Variants in GPR158 observed in about 807,000 individuals in gnomAD.
The protein encoded by GPR158 is metabotropic glycine receptor.
A neutral mutation model predicts 78.2 loss-of-function variants in GPR158; 30 were observed. That is an observed-to-expected ratio of 0.38 (90% CI 0.29 to 0.52). The LOEUF is 0.52. Among genes scored for constraint, GPR158 ranks in the 20% least tolerant of loss-of-function variants. The pLI is 0.83. For missense variants in GPR158, 1,463 were observed against 1,523.5 expected, an observed-to-expected ratio of 0.96 and a Z score of 0.66; for synonymous variants, 581 against 591.1, an observed-to-expected ratio of 0.98 and a Z score of 0.25.
At chr10:25,514,588 A>G (rs963686309) in intron 5 of GPR158, among the ~76,000 whole-genome samples, 1 of 151,772 alleles carries the variant, frequency 6.6e-6, no homozygotes, top group Admixed American at 6.6e-5. Context: ...CTTCTTTTTC[A>G]TTGTGTTATT....
chr10:25,310,171 G>C (rs191211371), intron 2 of GPR158, among the ~76,000 whole-genome samples: 12 of 152,278 alleles, frequency 7.9e-5, no homozygotes, highest in Non-Finnish European at 1.3e-4. Context: ...TTTCCCTGTT[G>C]AGTAGCATTG....
intron 1 of GPR158, among the ~76,000 whole-genome samples, chr10:25,212,144 A>G (rs377611026): frequency 6.6e-6 from 1 of 152,252 alleles, no homozygotes; most frequent in African/African-American, 2.4e-5. Context: ...GTGTCAGTCT[A>G]TTTTGCACTG....
At chr10:25,546,502 G>T (rs1000506757) in intron 5 of GPR158, among the ~76,000 whole-genome samples, 1 of 152,130 alleles carries the variant, frequency 6.6e-6, no homozygotes, top group African/African-American at 2.4e-5. Context: ...ATAACAGGTT[G>T]CCCAGTTTTC....
At chr10:25,359,218 T>C (rs915247834) in intron 2 of GPR158, among the ~76,000 whole-genome samples, 3 of 152,054 alleles carry the variant, frequency 2.0e-5, no homozygotes, top group Non-Finnish European at 4.4e-5. Flanking sequence ...TACACACACA[T>C]ATATATTTAT....
At chr10:25,471,733 T>C (rs971229404) in intron 5 of GPR158, among the ~76,000 whole-genome samples, 8 of 152,246 alleles carry the variant, frequency 5.3e-5, no homozygotes, top group Non-Finnish European at 7.3e-5. Flanking sequence ...CATTTTTTCA[T>C]GTGTCTGTTG....
At chr10:25,479,817 A>G (rs1835640116) in intron 5 of GPR158, among the ~76,000 whole-genome samples, 1 of 151,836 alleles carries the variant, frequency 6.6e-6, no homozygotes. Context: ...AATTATCTTT[A>G]TTTTTTTCTG....
chr10:25,285,117 T>A (rs186741418), intron 2 of GPR158, among the ~76,000 whole-genome samples: 209 of 152,096 alleles, frequency 1.4e-3, no homozygotes, highest in African/African-American at 4.6e-3. Flanking sequence ...TCTACATTAC[T>A]ATCTAGCATG....
chr10:25,321,434 A>G (rs966699529), intron 2 of GPR158, among the ~76,000 whole-genome samples: 4 of 152,192 alleles, frequency 2.6e-5, no homozygotes, highest in African/African-American at 9.6e-5. Context: ...CAGTACATCT[A>G]TATGAAAGGA....
At chr10:25,334,575 A>G (rs1855171586) in intron 2 of GPR158, among the ~76,000 whole-genome samples, 1 of 152,002 alleles carries the variant, frequency 6.6e-6, no homozygotes, top group South Asian at 2.1e-4. Context: ...AAGCAGAGCT[A>G]GAATGTACGA....
At chr10:25,231,676 G>A (rs941001394) in intron 2 of GPR158, among the ~76,000 whole-genome samples, 3 of 152,174 alleles carry the variant, frequency 2.0e-5, no homozygotes, top group African/African-American at 7.2e-5. Context: ...TAATGGAAGG[G>A]ACCTACTCCT....
chr10:25,365,291 C>T (rs1158168666), intron 2 of GPR158, among the ~76,000 whole-genome samples: 1 of 114,584 alleles, frequency 8.7e-6, no homozygotes, highest in Non-Finnish European at 1.9e-5. Flanking sequence ...TAATTTTCTC[C>T]CCATAATAAA....
intron 2 of GPR158, among the ~76,000 whole-genome samples, chr10:25,383,037 A>T (rs932225089): frequency 1.3e-5 from 2 of 151,900 alleles, no homozygotes; most frequent in Non-Finnish European, 2.9e-5. Flanking sequence ...GGCTTTCACT[A>T]TGTTGGCCAG....
At chr10:25,295,292 G>A (rs1019852226) in intron 2 of GPR158, among the ~76,000 whole-genome samples, 3 of 152,164 alleles carry the variant, frequency 2.0e-5, no homozygotes, top group Admixed American at 2.0e-4. Flanking sequence ...TGGTCTCCTA[G>A]CTGGCAGCTC....
chr10:25,503,113 A>C (rs1385205836), intron 5 of GPR158, among the ~76,000 whole-genome samples: 1 of 152,094 alleles, frequency 6.6e-6, no homozygotes, highest in Non-Finnish European at 1.5e-5. Flanking sequence ...GCAGTGGCTC[A>C]TGCCTGTAAT....
intron 6 of GPR158, among the ~76,000 whole-genome samples, chr10:25,571,179 T>G (rs370157636): frequency 6.6e-6 from 1 of 152,194 alleles, no homozygotes; most frequent in African/African-American, 2.4e-5. Flanking sequence ...AGAGTAACTG[T>G]TAATCTGGGG....
intron 6 of GPR158, among the ~76,000 whole-genome samples, chr10:25,564,990 A>G (rs1015959392): frequency 1.3e-5 from 2 of 152,164 alleles, no homozygotes; most frequent in African/African-American, 4.8e-5. Flanking sequence ...GATAACTGCC[A>G]TTTTCAGCAC....
At chr10:25,264,183 T>C (rs1467653050) in intron 2 of GPR158, among the ~76,000 whole-genome samples, 3 of 152,188 alleles carry the variant, frequency 2.0e-5, no homozygotes, top group African/African-American at 4.8e-5. Flanking sequence ...CCTTTGTACG[T>C]TGAATCTGCA....
intron 4 of GPR158, among the ~76,000 whole-genome samples, chr10:25,422,768 T>C (rs913613901): frequency 6.6e-6 from 1 of 151,964 alleles, no homozygotes; most frequent in African/African-American, 2.4e-5. Flanking sequence ...AATAAGTTCT[T>C]TAGTGGTGAT....
At chr10:25,217,809 G>A (rs1032781847) in intron 1 of GPR158, among the ~76,000 whole-genome samples, 3 of 152,184 alleles carry the variant, frequency 2.0e-5, no homozygotes, top group Non-Finnish European at 4.4e-5. Flanking sequence ...CTGGTCTGTA[G>A]TGTAGCTAAG....
Sources: gnomAD v4.1 joint callset for allele counts (sites outside exome capture counted in the v4.1 genomes callset) on GRCh38, gnomAD v4.1.1 for gene constraint, MANE v1.5 for transcripts, NCBI Gene and HGNC (gene_info 2026-07-23, HGNC 2026-07-21) for gene names.